Variants in STEAP1B observed in about 807,000 individuals in gnomAD.
STEAP1B encodes the protein STEAP family member 1B, also known as STEAP family protein MGC87042.
Under a neutral mutation model 27.9 loss-of-function variants are expected in STEAP1B, and 13 were observed. The ratio of observed to expected loss-of-function variants is 0.47; its 90% confidence interval spans 0.30 to 0.74. The LOEUF (loss-of-function observed/expected upper bound fraction) is 0.74, where lower values mean the gene tolerates loss of function less well. Among genes scored for constraint, STEAP1B ranks in the 30% least tolerant of loss-of-function variants. The pLI is 0.06. For missense variants in STEAP1B, 250 were observed against 298.7 expected, an observed-to-expected ratio of 0.84 and a Z score of 1.20; for synonymous variants, 86 against 107.1, an observed-to-expected ratio of 0.80 and a Z score of 1.22.
At chr7:22,433,577 T>C (rs1215191411) in intron 4 of STEAP1B, among the ~76,000 whole-genome samples, 6 of 152,074 alleles carry the variant, frequency 3.9e-5, no homozygotes, top group African/African-American at 1.2e-4. Flanking sequence ...AGGAGATCTA[T>C]GTAGGAAAGG....
chr7:22,499,545 G>A (rs1786499855), intron 1 of STEAP1B, among the ~76,000 whole-genome samples: 2 of 152,134 alleles, frequency 1.3e-5, no homozygotes, highest in Admixed American at 1.3e-4. Context: ...AAAAATTTAT[G>A]TCTACAAACT....
At chr7:22,425,391 G>A (rs937001650) in intron 4 of STEAP1B, among the ~76,000 whole-genome samples, 2 of 152,144 alleles carry the variant, frequency 1.3e-5, no homozygotes, top group African/African-American at 4.8e-5. Context: ...TTTGATCATA[G>A]CCCAACAGAG....
At chr7:22,481,712 C>G (rs1786077274) in intron 4 of STEAP1B, among the ~76,000 whole-genome samples, 1 of 152,234 alleles carries the variant, frequency 6.6e-6, no homozygotes, top group Non-Finnish European at 1.5e-5. Context: ...AGACATATCA[C>G]AGGTCTACAT....
At chr7:22,467,075 G>A (rs2893079) in intron 4 of STEAP1B, among the ~76,000 whole-genome samples, 130,785 of 152,256 alleles carry the variant, frequency 0.86, 56,710 homozygotes, top group East Asian at 1. Context: ...AAATATAATT[G>A]AAGGTTGTTC....
intron 4 of STEAP1B, among the ~76,000 whole-genome samples, chr7:22,471,168 C>T (rs528357715): frequency 3.3e-4 from 50 of 152,284 alleles, no homozygotes; most frequent in East Asian, 9.6e-4. Context: ...GGGTGGGCTG[C>T]GCGCCTCAGC....
At chr7:22,469,154 T>C (rs1353308994) in intron 4 of STEAP1B, among the ~76,000 whole-genome samples, 1 of 152,186 alleles carries the variant, frequency 6.6e-6, no homozygotes, top group Non-Finnish European at 1.5e-5. Flanking sequence ...GTGATATTGA[T>C]GATCTGGACC....
chr7:22,484,952 A>G (rs1434653468), intron 4 of STEAP1B, among the ~76,000 whole-genome samples: 1 of 152,230 alleles, frequency 6.6e-6, no homozygotes, highest in Non-Finnish European at 1.5e-5. Flanking sequence ...TGAAGCTGTG[A>G]CTGAGTTGCT....
chr7:22,479,818 G>C (rs1000705710), intron 4 of STEAP1B, among the ~76,000 whole-genome samples: 8 of 142,652 alleles, frequency 5.6e-5, no homozygotes, highest in African/African-American at 2.1e-4. Context: ...CTGAGTAGCT[G>C]GGGTTACAGG....
chr7:22,426,898 G>A (rs183483618), intron 4 of STEAP1B, among the ~76,000 whole-genome samples: 3 of 152,336 alleles, frequency 2.0e-5, no homozygotes, highest in Admixed American at 6.5e-5. Context: ...CTGGGCAGGT[G>A]TAAAATTTTA....
At chr7:22,489,779 T>C (rs916805149) in intron 4 of STEAP1B, among the ~76,000 whole-genome samples, 1 of 152,180 alleles carries the variant, frequency 6.6e-6, no homozygotes, top group Non-Finnish European at 1.5e-5. Flanking sequence ...TTAGAGCAGT[T>C]TTTTCCAATT....
intron 4 of STEAP1B, among the ~76,000 whole-genome samples, chr7:22,441,626 C>T (rs1302105954): frequency 6.6e-6 from 1 of 152,188 alleles, no homozygotes; most frequent in African/African-American, 2.4e-5. Flanking sequence ...AACACATGGC[C>T]CCCCACATCT....
In STEAP1B at chr7:22,419,635, T is replaced by C; in HGVS notation, c.*169A>G. On this transcript the variant is annotated 3_prime_UTR_variant, in exon 5 of 5. Coordinates refer to ENST00000678116, the MANE Select transcript of STEAP1B (RefSeq NM_001382447.1). ...GCTCTCTCATGAGTCCGCTGGGGGATCCACTCATCTGCCCTGCCGGATCCA... is the reference window on the plus strand; with the variant it reads ...GCTCTCTCATGAGTCCGCTGGGGGACCCACTCATCTGCCCTGCCGGATCCA... 1 of 594,328 alleles carries C rather than the reference T, an allele frequency of 1.7e-6. No homozygotes were observed. The highest frequency in any genetic ancestry group is 2.9e-5 in the South Asian group (1 of 34,098). 36.8% of individuals were successfully genotyped at this position (594,328 alleles called of 1,614,324 possible).
At chr7:22,469,961 A>C (rs1785853007) in intron 4 of STEAP1B, among the ~76,000 whole-genome samples, 1 of 152,168 alleles carries the variant, frequency 6.6e-6, no homozygotes, top group Non-Finnish European at 1.5e-5. Context: ...AGATATGCAC[A>C]CTCACATTCA....
intron 4 of STEAP1B, among the ~76,000 whole-genome samples, chr7:22,452,558 T>G (rs1455222788): frequency 2.0e-5 from 3 of 152,138 alleles, no homozygotes; most frequent in Non-Finnish European, 2.9e-5. Flanking sequence ...GGCAATAAAT[T>G]AACAACTGGA....
rs1785904596 is a variant in STEAP1B, at chr7:22,472,635, T to C, written c.762+19930A>G. 3.3e-5 allele frequency among the ~76,000 whole-genome samples: 5 copies of C among 152,248 alleles called. No individual in the cohort carries two copies. In the South Asian group the frequency reaches 1.0e-3, roughly 31 times the overall value. On this transcript the variant is annotated intron_variant, in intron 4 of 4. Transcript: ENST00000678116. ...CTAAACCAGAATTTCCTGACTTTTC[T>C]TGTGGTGTGCCTATGAATTTGGCAG...
At chr7:22,483,110 G>T (rs1226627457) in intron 4 of STEAP1B, among the ~76,000 whole-genome samples, 1 of 152,094 alleles carries the variant, frequency 6.6e-6, no homozygotes, top group African/African-American at 2.4e-5. Context: ...ATGGAAAAGG[G>T]GTAGGGAGAG....
intron 1 of STEAP1B, among the ~76,000 whole-genome samples, chr7:22,499,885 G>A (rs6970993): frequency 0.1 from 15,125 of 151,956 alleles, 889 homozygotes; most frequent in African/African-American, 0.14. Context: ...GCTCCCCCCA[G>A]CCCCCGGCCC....
At chr7:22,440,785 A>G (rs1434208529) in intron 4 of STEAP1B, among the ~76,000 whole-genome samples, 2 of 152,046 alleles carry the variant, frequency 1.3e-5, no homozygotes, top group African/African-American at 2.4e-5. Context: ...ACACTGAAAT[A>G]ACATTCTTCA....
chr7:22,476,449 C>T (rs566104709), intron 4 of STEAP1B, among the ~76,000 whole-genome samples: 4 of 152,294 alleles, frequency 2.6e-5, no homozygotes, highest in East Asian at 3.9e-4. Flanking sequence ...GCAAGAGGCA[C>T]GCAGTTTATG....
Sources: allele counts gnomAD v4.1 joint callset (sites outside exome capture counted in the v4.1 genomes callset), GRCh38; gene constraint gnomAD v4.1.1; transcripts MANE v1.5; gene names NCBI Gene and HGNC (gene_info 2026-07-23, HGNC 2026-07-21).